The following CRACD variants were observed in gnomAD, a reference collection of about 807,000 sequenced individuals.
CRACD encodes the protein capping protein-inhibiting regulator of actin dynamics.
Under a neutral mutation model 106.8 loss-of-function variants are expected in CRACD, and 56 were observed. That is an observed-to-expected ratio of 0.52 (90% CI 0.42 to 0.66). The LOEUF is 0.66. CRACD is among the 30% of genes least tolerant of loss of function. The pLI is 0.00. For synonymous variants in CRACD, 754 were observed against 670.8 expected (o/e 1.12, Z -1.92); for missense variants, 1,730 against 1,623.2 (o/e 1.07, Z -1.13).
At chr4:56,158,530 C>T (rs1735837300) in intron 1 of CRACD, among the ~76,000 whole-genome samples, 1 of 152,136 alleles carries the variant, frequency 6.6e-6, no homozygotes, top group Non-Finnish European at 1.5e-5. Context: ...AATTATTGCA[C>T]CTCAATTGGC....
intron 2 of CRACD, among the ~76,000 whole-genome samples, chr4:56,238,220 G>A (rs1327892208): frequency 6.6e-6 from 1 of 152,184 alleles, no homozygotes; most frequent in Non-Finnish European, 1.5e-5. Flanking sequence ...CTGCAGGCTG[G>A]AATCTTCTGA....
At chr4:56,079,166 C>G (rs1732941293) in intron 1 of CRACD, among the ~76,000 whole-genome samples, 1 of 152,106 alleles carries the variant, frequency 6.6e-6, no homozygotes, top group South Asian at 2.1e-4. Context: ...ACCATGCTGT[C>G]CCAGACACCA....
intron 1 of CRACD, among the ~76,000 whole-genome samples, chr4:56,100,028 G>A (rs768911483): frequency 4.6e-5 from 7 of 152,130 alleles, no homozygotes; most frequent in Non-Finnish European, 8.8e-5. Flanking sequence ...GGATCACGAG[G>A]TCAGGAGTTT....
At chr4:56,180,830 C>T (rs557169505) in intron 2 of CRACD, among the ~76,000 whole-genome samples, 1 of 152,196 alleles carries the variant, frequency 6.6e-6, no homozygotes, top group Admixed American at 6.5e-5. Flanking sequence ...TTGTCAGCAC[C>T]CCTTAGGGAG....
intron 1 of CRACD, among the ~76,000 whole-genome samples, chr4:56,151,434 G>A (rs1468227198): frequency 1.3e-5 from 2 of 151,444 alleles, no homozygotes; most frequent in Non-Finnish European, 2.9e-5. Flanking sequence ...CAGAAAAGTT[G>A]CAAATACAAT....
At chr4:56,240,255 G>A (rs1349000888) in intron 2 of CRACD, among the ~76,000 whole-genome samples, 1 of 152,076 alleles carries the variant, frequency 6.6e-6, no homozygotes, top group African/African-American at 2.4e-5. Context: ...CCGTGATAGA[G>A]ATATGCCAAA....
chr4:56,225,951 A>G (rs1377020319), intron 2 of CRACD, among the ~76,000 whole-genome samples: 8 of 152,344 alleles, frequency 5.3e-5, no homozygotes, highest in African/African-American at 1.4e-4. Flanking sequence ...TTTGCTTTCT[A>G]TCCTGCTCTT....
At chr4:56,239,170 G>A (rs937799707) in intron 2 of CRACD, among the ~76,000 whole-genome samples, 1 of 152,092 alleles carries the variant, frequency 6.6e-6, no homozygotes, top group Non-Finnish European at 1.5e-5. Context: ...GTACGTGCCT[G>A]TAATCTCAGC....
chr4:56,088,137 T>C (rs1733293896), intron 1 of CRACD, among the ~76,000 whole-genome samples: 2 of 151,616 alleles, frequency 1.3e-5, no homozygotes, highest in African/African-American at 4.8e-5. Context: ...TGTTTCTTTT[T>C]TTTTTTTTTT....
At chr4:56,279,365 A>G (rs1577847759) in intron 3 of CRACD, among the ~76,000 whole-genome samples, 2 of 152,056 alleles carry the variant, frequency 1.3e-5, no homozygotes, top group East Asian at 3.8e-4. Context: ...CAGGCAACCT[A>G]CAACATGGGA....
chr4:56,065,552 G>A (rs898783052), intron 1 of CRACD, among the ~76,000 whole-genome samples: 4 of 152,134 alleles, frequency 2.6e-5, no homozygotes, highest in Non-Finnish European at 4.4e-5. Context: ...TGCAACCTCC[G>A]GTGAGGTACA....
chr4:56,061,223 T>C (rs547125088), intron 1 of CRACD, among the ~76,000 whole-genome samples: 144 of 152,232 alleles, frequency 9.5e-4, no homozygotes, highest in African/African-American at 3.3e-3. Flanking sequence ...CAGGCTGGAG[T>C]GCAGTGGCGC....
intron 1 of CRACD, among the ~76,000 whole-genome samples, chr4:56,171,793 T>C (rs1736375893): frequency 6.6e-6 from 1 of 152,132 alleles, no homozygotes; most frequent in Non-Finnish European, 1.5e-5. Context: ...ATTTCAACCA[T>C]ATGCCTGCCT....
intron 1 of CRACD, among the ~76,000 whole-genome samples, chr4:56,162,051 C>T (rs963722559): frequency 4.6e-5 from 7 of 152,196 alleles, no homozygotes; most frequent in East Asian, 1.9e-4. Flanking sequence ...GGCACCATTC[C>T]GCTTGCACAT....
chr4:56,056,615 A>G (rs1205117194), intron 1 of CRACD, among the ~76,000 whole-genome samples: 1 of 151,842 alleles, frequency 6.6e-6, no homozygotes, highest in Non-Finnish European at 1.5e-5. Context: ...AAAACAAACA[A>G]AAAAAACACC....
In CRACD at chr4:56,316,306, G is replaced by A. The variant is rs370934779; in HGVS notation, c.2804G>A (p.Gly935Glu). The change falls in exon 8 of 11, where the codon GGG (glycine) becomes GAG (glutamate). Residue 935 changes from glycine to glutamate, a missense_variant. This residue lies in a region of CRACD where 1,620 missense variants were observed against 1,481.6 expected (regional missense o/e 1.09). Coordinates refer to ENST00000682029, the MANE Select transcript of CRACD (RefSeq NM_001393381.1). ...SSRSVPVAHP[G>E]PPPASSQTPA... ...CGCTCTGTTCCTGTGGCCCACCCTG[G>A]GCCTCCACCGGCCAGCAGCCAGACC... 1.0e-4 allele frequency: 162 copies of A among 1,613,928 alleles called. No individual in the cohort carries two copies. The African/African-American group carries it at 1.9e-3, about 18-fold the overall frequency.
intron 2 of CRACD, among the ~76,000 whole-genome samples, chr4:56,198,616 A>G (rs1463520850): frequency 6.6e-6 from 1 of 152,206 alleles, no homozygotes; most frequent in African/African-American, 2.4e-5. Context: ...ACTGTGTGCC[A>G]GGTACGATGC....
chr4:56,191,349 GCTGCATAGCAT>G (rs912255134), intron 2 of CRACD, among the ~76,000 whole-genome samples: 2 of 151,816 alleles, frequency 1.3e-5, no homozygotes, highest in African/African-American at 4.8e-5. Flanking sequence ...TTCAAAACCA[GCTGCATAGCAT>G]CTTCCAGTCT....
chr4:56,136,001 G>A (rs1306577531), intron 1 of CRACD, among the ~76,000 whole-genome samples: 1 of 151,896 alleles, frequency 6.6e-6, no homozygotes, highest in African/African-American at 2.4e-5. Flanking sequence ...TTTTATGTAA[G>A]TGGAGTTATA....
Sources: gnomAD v4.1 joint callset for allele counts (sites outside exome capture counted in the v4.1 genomes callset) on GRCh38, gnomAD v4.1.1 for gene constraint, gnomAD v4.1.1 regional missense constraint, MANE v1.5 for transcripts, NCBI Gene and HGNC (gene_info 2026-07-23, HGNC 2026-07-21) for gene names.